Variants in CFAP299 observed in about 807,000 individuals in gnomAD.
CFAP299 encodes the protein cilia- and flagella-associated protein 299.
CFAP299 carries 21 observed loss-of-function variants against 27.0 expected under a neutral mutation model. The ratio of observed to expected loss-of-function variants is 0.78; its 90% CI spans 0.55 to 1.12. The LOEUF (loss-of-function observed/expected upper bound fraction) is 1.12. CFAP299 is among the 50% of genes most tolerant of loss of function. CFAP299 has a pLI of 0.00. For missense variants in CFAP299, 310 were observed against 276.6 expected (o/e 1.12, Z -0.86); for synonymous variants, 104 against 98.1 (o/e 1.06, Z -0.36).
chr4:80,930,946 A>G (rs977967084), intron 4 of CFAP299, among the ~76,000 whole-genome samples: 1 of 151,980 alleles, frequency 6.6e-6, no homozygotes, highest in Non-Finnish European at 1.5e-5. Flanking sequence ...CAGTCTGGAC[A>G]AGGTTTCTCT....
In CFAP299 at chr4:80,488,768, A is replaced by G. The variant is rs577764182; in HGVS notation, c.243-94325A>G. On this transcript the variant is annotated intron_variant, in intron 2 of 5. Coordinates refer to ENST00000358105, the MANE Select transcript of CFAP299 (RefSeq NM_152770.3). ...TGGGATTACAGGCGTGAGCCACCGC[A>G]CCCGGCCGGTAACCACTCCTAACTG... Among the ~76,000 whole-genome samples the G allele has an allele frequency of 2.1e-3, 322 of 152,194 alleles. 2 individuals are homozygous for G. Among genetic ancestry groups the G allele is most frequent in the African/African-American group, 6.7e-3 (278 of 41,530 alleles).
intron 1 of CFAP299, among the ~76,000 whole-genome samples, chr4:80,346,895 C>A (rs1280405521): frequency 1.3e-5 from 2 of 152,198 alleles, no homozygotes; most frequent in African/African-American, 4.8e-5. Flanking sequence ...TTGATTCTTC[C>A]TATCCGTGAT....
intron 2 of CFAP299, among the ~76,000 whole-genome samples, chr4:80,497,999 G>A (rs562107731): frequency 8.2e-4 from 125 of 152,226 alleles, no homozygotes; most frequent in Non-Finnish European, 1.5e-3. Context: ...ACAAAAACAA[G>A]CAGTGAGGAA....
At chr4:80,799,210 ATATT>A (rs1176972853) in intron 3 of CFAP299, among the ~76,000 whole-genome samples, 3 of 114,472 alleles carry the variant, frequency 2.6e-5, no homozygotes, top group African/African-American at 3.5e-5. Flanking sequence ...ATTTATATAT[ATATT>A]GTATAAATAT....
intron 1 of CFAP299, among the ~76,000 whole-genome samples, chr4:80,360,031 G>A (rs145334433): frequency 2.4e-4 from 37 of 152,174 alleles, no homozygotes; most frequent in African/African-American, 8.7e-4. Context: ...TGACTTTGAG[G>A]GTTTGGCTAT....
At chr4:80,547,797 T>C (rs1467258117) in intron 2 of CFAP299, among the ~76,000 whole-genome samples, 1 of 152,112 alleles carries the variant, frequency 6.6e-6, no homozygotes, top group Non-Finnish European at 1.5e-5. Context: ...TCATTAATCA[T>C]TAGAGAAATG....
At chr4:80,865,681 T>A (rs1732681861) in intron 3 of CFAP299, among the ~76,000 whole-genome samples, 1 of 152,076 alleles carries the variant, frequency 6.6e-6, no homozygotes, top group Admixed American at 6.6e-5. Flanking sequence ...TTCTTAAAAA[T>A]CTTCCCAAGT....
chr4:80,738,710 G>C (rs749096292), intron 3 of CFAP299, among the ~76,000 whole-genome samples: 1 of 151,210 alleles, frequency 6.6e-6, no homozygotes, highest in African/African-American at 2.4e-5. Flanking sequence ...TGCTGGGAGA[G>C]TTTAGTACAT....
chr4:80,479,869 T>G (rs1393815658), intron 2 of CFAP299, among the ~76,000 whole-genome samples: 1 of 152,020 alleles, frequency 6.6e-6, no homozygotes, highest in East Asian at 1.9e-4. Context: ...ACCTGGAACA[T>G]TAACACATTT....
At chr4:80,699,416 C>T (rs747880646) in intron 3 of CFAP299, among the ~76,000 whole-genome samples, 1 of 152,150 alleles carries the variant, frequency 6.6e-6, no homozygotes, top group African/African-American at 2.4e-5. Context: ...CACATTTCTT[C>T]CAGCTGCAGA....
intron 3 of CFAP299, among the ~76,000 whole-genome samples, chr4:80,708,793 C>T (rs755801368): frequency 5.9e-5 from 9 of 151,784 alleles, no homozygotes; most frequent in Admixed American, 5.9e-4. Context: ...AAAACTGATG[C>T]ATTATAAAAA....
rs79307200 is a variant in CFAP299, at chr4:80,797,188, C to T, written c.334-72805C>T. 4.5e-4 allele frequency among the ~76,000 whole-genome samples: 68 copies of T among 152,240 alleles called. No individual in the cohort carries two copies. In the East Asian group the frequency reaches 0.012, roughly 28 times the overall value. On this transcript the variant is annotated intron_variant, in intron 3 of 5. Transcript: ENST00000358105. ...GTTACTCTGGCAAAAGTCTGAAGGT[C>T]CCCTTGGGGAAGGATGGGAGAAAGA...
chr4:80,820,194 A>G (rs1322636881), intron 3 of CFAP299, among the ~76,000 whole-genome samples: 1 of 152,196 alleles, frequency 6.6e-6, no homozygotes, highest in Non-Finnish European at 1.5e-5. Context: ...TCATGATGAT[A>G]TTATGATTAG....
intron 3 of CFAP299, among the ~76,000 whole-genome samples, chr4:80,800,366 T>C (rs1225865419): frequency 1.3e-4 from 9 of 70,552 alleles, no homozygotes; most frequent in Middle Eastern, 0.02. Flanking sequence ...GATATATTAA[T>C]ATAATATATA....
intron 3 of CFAP299, among the ~76,000 whole-genome samples, chr4:80,724,792 T>C (rs1723049768): frequency 6.6e-6 from 1 of 152,102 alleles, no homozygotes; most frequent in Admixed American, 6.5e-5. Flanking sequence ...TTTCTCCTTG[T>C]TCTCTGGATG....
intron 3 of CFAP299, among the ~76,000 whole-genome samples, chr4:80,703,788 C>T (rs563851374): frequency 2.6e-5 from 4 of 151,840 alleles, no homozygotes; most frequent in African/African-American, 4.8e-5. Flanking sequence ...TCCTTTTACA[C>T]CATCCTGCCT....
At chr4:80,897,014 A>G (rs187561453) in intron 4 of CFAP299, among the ~76,000 whole-genome samples, 2 of 152,316 alleles carry the variant, frequency 1.3e-5, no homozygotes, top group African/African-American at 4.8e-5. Flanking sequence ...GAATTCACCC[A>G]AGAGAAAAGT....
At chr4:80,539,409 C>G (rs1402653234) in intron 2 of CFAP299, among the ~76,000 whole-genome samples, 3 of 152,140 alleles carry the variant, frequency 2.0e-5, no homozygotes, top group African/African-American at 7.2e-5. Flanking sequence ...ACAGCATGGC[C>G]CAGAGCATTT....
At chr4:80,327,760 T>TA in the CFAP299 span, among the ~76,000 whole-genome samples, 2 of 37,008 alleles carry the variant, frequency 5.4e-5, no homozygotes, top group African/African-American at 1.3e-4. Flanking sequence ...TTGAGAAAGC[T>TA]AAACTAGCTG....
Sources: gnomAD v4.1 joint callset for allele counts (sites outside exome capture counted in the v4.1 genomes callset) on GRCh38, gnomAD v4.1.1 for gene constraint, MANE v1.5 for transcripts, NCBI Gene and HGNC (gene_info 2026-07-23, HGNC 2026-07-21) for gene names.